The following ENO4 variants were observed in gnomAD, a reference collection of about 807,000 sequenced individuals.
ENO4 encodes 2-phospho-D-glycerate hydro-lyase.
Under a neutral mutation model 63.2 loss-of-function variants are expected in ENO4, and 53 were observed. The observed-to-expected ratio is 0.84, with a 90% CI of 0.67 to 1.05. ENO4 has a LOEUF of 1.05. Ranked by LOEUF, ENO4 falls within the 50% of genes least tolerant of loss-of-function variation. ENO4 has a pLI of 0.00. For synonymous variants in ENO4, 266 were observed against 283.8 expected (o/e 0.94, Z 0.63); for missense variants, 719 against 772.0 (o/e 0.93, Z 0.81).
rs56000218 is a variant in ENO4 at position 116,875,561 on chromosome 10, T to TCACACA, written c.1342-483_1342-478dup. Reference sequence around the variant, plus strand: ...GGTCTTGCCACATTGTCCAGGCTGGTCACACACACACACACACACACACAC... The same window carrying TCACACA: ...GGTCTTGCCACATTGTCCAGGCTGGTCACACACACACACACACACACACACACACAC... On this transcript the variant is annotated intron_variant, in intron 10 of 13. Transcript: ENST00000341276. Among the ~76,000 whole-genome samples the TCACACA allele has an allele frequency of 6.2e-4, 92 of 148,008 alleles. 1 individual carries two copies. In the Middle Eastern group the frequency reaches 0.02, roughly 33 times the overall value.
intron 8 of ENO4, 46 bp from the exon 9 acceptor site, chr10:116,871,079 C>T: frequency 1.3e-6 from 2 of 1,527,686 alleles, no homozygotes; most frequent in African/African-American, 1.4e-5. Context: ...CGCCAAGAAC[C>T]TTAATGTGCT....
chr10:116,884,046 C>T (rs754921450), downstream of ENO4: 4 of 287,122 alleles, frequency 1.4e-5, no homozygotes, highest in South Asian at 3.0e-5. Context: ...TCCTCTATAG[C>T]GCACAAGACT....
chr10:116,900,440 A>G, intron 10 of ENO4: 1 of 1,159,918 alleles, frequency 8.6e-7, no homozygotes, highest in Non-Finnish European at 1.2e-6. Context: ...GCCTGCAATT[A>G]TTTCATTTCC....
intron 12 of ENO4, among the ~76,000 whole-genome samples, chr10:116,879,664 T>C (rs1846942283): frequency 6.6e-6 from 1 of 152,188 alleles, no homozygotes; most frequent in African/African-American, 2.4e-5. Flanking sequence ...ACTAGTAAAG[T>C]GCCTGATGGA....
At chr10:116,884,382 C>T (rs1488863018), downstream of ENO4, 1 of 405,120 alleles carries the variant, frequency 2.5e-6, no homozygotes, top group East Asian at 7.5e-5. Flanking sequence ...ATTTAAAATG[C>T]TTTGTAATCA....
intron 8 of ENO4, among the ~76,000 whole-genome samples, chr10:116,869,890 C>G (rs973050823): frequency 1.7e-5 from 2 of 114,406 alleles, no homozygotes; most frequent in African/African-American, 6.9e-5. Flanking sequence ...ACTTAGTTAA[C>G]TCCGTAAAAT....
intron 9 of ENO4, 147 bp downstream of exon 9, chr10:116,871,439 G>T: frequency 1.4e-6 from 1 of 718,658 alleles, no homozygotes; most frequent in Non-Finnish European, 2.1e-6. Context: ...CAAATATAAT[G>T]AGAAAACCAA....
At chr10:116,849,974 T>A (rs1316745878) in intron 1 of ENO4, 2 of 684,508 alleles carry the variant, frequency 2.9e-6, no homozygotes, top group South Asian at 3.1e-5. Flanking sequence ...GCGCTAGGCG[T>A]ATTTGACCTG....
chr10:116,889,017 T>G (rs899464076), intron 10 of ENO4, among the ~76,000 whole-genome samples: 1 of 152,202 alleles, frequency 6.6e-6, no homozygotes, highest in Non-Finnish European at 1.5e-5. Context: ...TGTAAGCCAG[T>G]CAAACTGCTT....
intron 4 of ENO4, among the ~76,000 whole-genome samples, chr10:116,860,434 G>C (rs1214453805): frequency 6.6e-6 from 1 of 152,184 alleles, no homozygotes; most frequent in Non-Finnish European, 1.5e-5. Context: ...AAAAACAAAT[G>C]ATTTGAAATT....
At chr10:116,911,183 C>T (rs952874542) in intron 10 of ENO4, among the ~76,000 whole-genome samples, 3 of 152,076 alleles carry the variant, frequency 2.0e-5, no homozygotes, top group African/African-American at 4.8e-5. Context: ...GTGCAGTAGC[C>T]GCTGATTCCA....
chr10:116,900,175 G>A (rs1847680933), intron 10 of ENO4: 1 of 195,914 alleles, frequency 5.1e-6, no homozygotes, highest in Admixed American at 5.7e-5. Flanking sequence ...ATTTTATTTA[G>A]CTAAAGAATG....
intron 7 of ENO4, 93 bp from the exon 8 acceptor site, chr10:116,868,557 G>T (rs1463209360): frequency 9.7e-7 from 1 of 1,027,896 alleles, no homozygotes; most frequent in Non-Finnish European, 1.5e-6. Context: ...GAGATTCAGT[G>T]TTGCTGGTCA....
intron 3 of ENO4, among the ~76,000 whole-genome samples, chr10:116,857,663 G>T (rs1417214963): frequency 6.7e-6 from 1 of 149,208 alleles, no homozygotes; most frequent in African/African-American, 2.5e-5. Flanking sequence ...TTTTGAGATG[G>T]AGTCTTCCTC....
intron 10 of ENO4, chr10:116,906,857 A>C (rs1452720525): frequency 3.4e-6 from 3 of 876,290 alleles, no homozygotes; most frequent in Non-Finnish European, 4.9e-6. Flanking sequence ...TGGAATTATG[A>C]AACAAAATGA....
chr10:116,901,483 G>A, intron 10 of ENO4: 1 of 985,054 alleles, frequency 1.0e-6, no homozygotes, highest in South Asian at 4.7e-5. Flanking sequence ...TCCTGACGCA[G>A]AGTCTGTATC....
chr10:116,853,612 A>C (rs1011871601), intron 1 of ENO4, among the ~76,000 whole-genome samples: 1 of 152,182 alleles, frequency 6.6e-6, no homozygotes, highest in African/African-American at 2.4e-5. Context: ...TCCTCTCCTA[A>C]CACAACACGC....
intron 3 of ENO4, 34 bp from the exon 4 acceptor site, chr10:116,858,956 T>C (rs1393897783): frequency 7.1e-7 from 1 of 1,413,162 alleles, no homozygotes; most frequent in Non-Finnish European, 9.6e-7. Flanking sequence ...TTCCTAAATA[T>C]CCCACTGTAA....
Position 116,849,549 on chromosome 10 carries a change from A to G in ENO4, c.-18A>G, listed in dbSNP as rs1027874399. On this transcript the variant is annotated 5_prime_UTR_variant, in exon 1 of 14. Coordinates refer to ENST00000341276, the MANE Select transcript of ENO4 (RefSeq NM_001242699.2). ...GGGACCCCAGGCTAAACCCCGCTGT[A>G]GCCTTAAATCTCCTACCATGGAGGA... 23 of 1,516,688 alleles carry G rather than the reference A, an allele frequency of 1.5e-5. No individual in the cohort carries two copies. The Admixed American group carries it at 4.9e-4, about 32-fold the overall frequency. 94.0% of individuals were successfully genotyped at this position (1,516,688 alleles called of 1,614,324 possible). A position where few individuals can be genotyped will look rare whatever the true frequency, so the allele number is the denominator to read the frequency against.
Sources: allele counts gnomAD v4.1 joint callset (sites outside exome capture counted in the v4.1 genomes callset), GRCh38; gene constraint gnomAD v4.1.1; transcripts MANE v1.5; gene names NCBI Gene and HGNC (gene_info 2026-07-23, HGNC 2026-07-21).